The following NR6A1 variants were observed in gnomAD, a reference collection of about 807,000 sequenced individuals.
NR6A1 encodes the protein retinoic acid receptor-related testis-associated receptor.
NR6A1 carries 7 observed loss-of-function variants against 59.1 expected under a neutral mutation model. The observed-to-expected ratio is 0.12, with a 90% CI of 0.07 to 0.22. NR6A1 has a LOEUF of 0.22. NR6A1 is among the 10% of genes least tolerant of loss of function. The pLI is 1.00. For missense variants in NR6A1, 468 were observed against 611.6 expected, an observed-to-expected ratio of 0.77 and a Z score of 2.48; for synonymous variants, 243 against 236.1, an observed-to-expected ratio of 1.03 and a Z score of -0.27.
chr9:124,537,641 C>G (rs1833309488), intron 6 of NR6A1, among the ~76,000 whole-genome samples: 1 of 152,190 alleles, frequency 6.6e-6, no homozygotes, highest in African/African-American at 2.4e-5. Context: ...CTTCTACCCA[C>G]TCAAGCCTGC....
chr9:124,726,303 C>T (rs760654132), intron 2 of NR6A1, among the ~76,000 whole-genome samples: 1 of 152,184 alleles, frequency 6.6e-6, no homozygotes, highest in Non-Finnish European at 1.5e-5. Flanking sequence ...TGTGAATTGT[C>T]CTTCTCCCTC....
chr9:124,724,691 A>G (rs931156816), intron 2 of NR6A1, among the ~76,000 whole-genome samples: 1 of 152,266 alleles, frequency 6.6e-6, no homozygotes. Context: ...ATTCAGGAAC[A>G]GTATTTCTGA....
intron 8 of NR6A1, among the ~76,000 whole-genome samples, chr9:124,526,282 GTGTGTA>G (rs1319664860): frequency 3.5e-5 from 5 of 144,896 alleles, no homozygotes; most frequent in African/African-American, 8.5e-5. Context: ...TTGTGTGTAT[GTGTGTA>G]TGTGTGTGTG....
rs775064036 is a variant in NR6A1 at position 124,526,739 on chromosome 9, C to T, written c.1201+40G>A. 1.2e-5 allele frequency: 20 copies of T among 1,608,812 alleles called. No individual in the cohort carries two copies. In the South Asian group the frequency reaches 2.2e-4, roughly 18 times the overall value. On this transcript the variant is annotated intron_variant, in intron 8 of 9. Coordinates refer to ENST00000487099, the MANE Select transcript of NR6A1 (RefSeq NM_033334.4). ...AGGGCAAATGCTCACTGCCTGCCTC[C>T]CGCACTGCAAACGTCCCTTTTCCCA... is the stretch of plus-strand genomic sequence containing the variant.
chr9:124,768,424 T>C (rs1841001733), intron 1 of NR6A1, among the ~76,000 whole-genome samples: 1 of 152,250 alleles, frequency 6.6e-6, no homozygotes, highest in East Asian at 1.9e-4. Context: ...TGGCAATTCT[T>C]CTGTGAGCAT....
At chr9:124,654,791 T>G (rs1013528277) in intron 2 of NR6A1, among the ~76,000 whole-genome samples, 1 of 151,934 alleles carries the variant, frequency 6.6e-6, no homozygotes, top group Non-Finnish European at 1.5e-5. Flanking sequence ...GTCTCCCCAT[T>G]AGAATGTAAG....
chr9:124,728,000 TTTTTTA>T (rs909594618), intron 2 of NR6A1, among the ~76,000 whole-genome samples: 20 of 151,132 alleles, frequency 1.3e-4, no homozygotes, highest in East Asian at 3.9e-4. Flanking sequence ...TTCATTTTTA[TTTTTTA>T]TTTTTATTTT....
intron 9 of NR6A1, among the ~76,000 whole-genome samples, chr9:124,523,173 T>G (rs1274729885): frequency 6.6e-6 from 1 of 152,228 alleles, no homozygotes; most frequent in African/African-American, 2.4e-5. Context: ...CCTGTTTTCT[T>G]CACCCCCTCA....
chr9:124,696,825 T>C (rs892461118), intron 2 of NR6A1, among the ~76,000 whole-genome samples: 3 of 151,810 alleles, frequency 2.0e-5, no homozygotes, highest in African/African-American at 7.3e-5. Flanking sequence ...CCTGGATAAT[T>C]TTTTGTATTT....
At chr9:124,747,420 A>G (rs1333402749) in intron 1 of NR6A1, among the ~76,000 whole-genome samples, 1 of 151,576 alleles carries the variant, frequency 6.6e-6, no homozygotes, top group Admixed American at 6.6e-5. Context: ...CACACACACA[A>G]CCTTCTCATC....
At chr9:124,621,330 A>C (rs1044961757) in intron 2 of NR6A1, among the ~76,000 whole-genome samples, 1 of 152,210 alleles carries the variant, frequency 6.6e-6, no homozygotes, top group Non-Finnish European at 1.5e-5. Flanking sequence ...AGCTCAAAAA[A>C]TGCTTAGCAT....
At chr9:124,649,450 T>C in intron 2 of NR6A1, among the ~76,000 whole-genome samples, 1 of 151,912 alleles carries the variant, frequency 6.6e-6, no homozygotes, top group Non-Finnish European at 1.5e-5. Flanking sequence ...CATAAAAAAA[T>C]CAAATCAAAA....
At chr9:124,677,594 T>C (rs1365356506) in intron 2 of NR6A1, among the ~76,000 whole-genome samples, 1 of 152,052 alleles carries the variant, frequency 6.6e-6, no homozygotes, top group Non-Finnish European at 1.5e-5. Context: ...AATTTACATA[T>C]GGTAAGGTAA....
chr9:124,595,291 A>T (rs975193842), intron 2 of NR6A1, among the ~76,000 whole-genome samples: 8 of 152,222 alleles, frequency 5.3e-5, no homozygotes. Flanking sequence ...TCCCTACCAG[A>T]GGATGAGGTT....
chr9:124,529,026 T>C (rs570496429), intron 7 of NR6A1, among the ~76,000 whole-genome samples: 11 of 152,348 alleles, frequency 7.2e-5, no homozygotes, highest in East Asian at 1.9e-4. Flanking sequence ...ATCTGGAACG[T>C]TGACCTTCGG....
rs77926238 is a variant in NR6A1 at position 124,710,798 on chromosome 9, G to C, written c.142+22510C>G. ...GATCCTTCCGCAATTGCACACGTAA[G>C]ATCAGCTGGAAATCTTACAGTTCTC... On this transcript the variant is annotated intron_variant, in intron 2 of 9. Transcript: ENST00000487099. Among the ~76,000 whole-genome samples the C allele has an allele frequency of 6.8e-3, 1,040 of 152,300 alleles. 15 individuals carry two copies. Among genetic ancestry groups the C allele is most frequent in the East Asian group, 0.032 (166 of 5,178 alleles).
intron 1 of NR6A1, among the ~76,000 whole-genome samples, chr9:124,754,557 T>C (rs1004093040): frequency 6.6e-6 from 1 of 151,816 alleles, no homozygotes; most frequent in Non-Finnish European, 1.5e-5. Context: ...CTGCAGGGCA[T>C]GGGGGAGAAA....
chr9:124,685,861 A>G (rs1354605832), intron 2 of NR6A1, among the ~76,000 whole-genome samples: 1 of 152,244 alleles, frequency 6.6e-6, no homozygotes, highest in African/African-American at 2.4e-5. Context: ...AAGTATCAAT[A>G]GTTTGCCCAA....
chr9:124,661,632 T>C (rs78590726), intron 2 of NR6A1, among the ~76,000 whole-genome samples: 3 of 152,220 alleles, frequency 2.0e-5, no homozygotes, highest in Non-Finnish European at 2.9e-5. Flanking sequence ...CCAGATTTAA[T>C]GGTGCTGGTA....
Sources: gnomAD v4.1 joint callset for allele counts (sites outside exome capture counted in the v4.1 genomes callset) on GRCh38, gnomAD v4.1.1 for gene constraint, MANE v1.5 for transcripts, NCBI Gene and HGNC (gene_info 2026-07-23, HGNC 2026-07-21) for gene names.